RNLS: variants seen among roughly 807,000 people sequenced by gnomAD.
RNLS encodes the protein renalase.
Under a neutral mutation model 39.8 loss-of-function variants are expected in RNLS, and 39 were observed. That is an observed-to-expected ratio of 0.98 (90% CI 0.76 to 1.28). RNLS has a LOEUF of 1.28. RNLS is among the 50% of genes most tolerant of loss of function. The probability of loss-of-function intolerance (pLI) is 0.00; values close to 1 mark genes in which losing one functional copy is unlikely to be tolerated. For missense variants in RNLS, 410 were observed against 413.3 expected (o/e 0.99, Z 0.07); for synonymous variants, 147 against 150.7 (o/e 0.98, Z 0.18).
chr10:88,378,215 A>AAAAT (rs1026699312), intron 4 of RNLS, among the ~76,000 whole-genome samples: 1 of 152,170 alleles, frequency 6.6e-6, no homozygotes, highest in Non-Finnish European at 1.5e-5. Flanking sequence ...AACTAAAAAA[A>AAAAT]AAATAAGTCT....
intron 4 of RNLS, among the ~76,000 whole-genome samples, chr10:88,515,513 G>T (rs929797762): frequency 6.6e-6 from 1 of 152,020 alleles, no homozygotes; most frequent in Non-Finnish European, 1.5e-5. Context: ...TACAGCAAAG[G>T]CTTTCCTTAA....
At chr10:88,511,074 T>C (rs145209727) in intron 4 of RNLS, among the ~76,000 whole-genome samples, 254 of 147,320 alleles carry the variant, frequency 1.7e-3, no homozygotes, top group African/African-American at 6.0e-3. Flanking sequence ...ATGGGAGACA[T>C]AAGAATATGG....
chr10:88,185,200 T>C, the RNLS span, among the ~76,000 whole-genome samples: 2 of 152,066 alleles, frequency 1.3e-5, no homozygotes, highest in Non-Finnish European at 2.9e-5. Context: ...GGATTTTCCT[T>C]TTACCATCTA....
At chr10:88,354,763 CT>C (rs1170584103) in intron 5 of RNLS, among the ~76,000 whole-genome samples, 1 of 152,200 alleles carries the variant, frequency 6.6e-6, no homozygotes, top group African/African-American at 2.4e-5. Flanking sequence ...TGTTGGCCTG[CT>C]TTGCTAGGTT....
At chr10:88,263,772 G>A in the RNLS span, among the ~76,000 whole-genome samples, 3 of 152,060 alleles carry the variant, frequency 2.0e-5, no homozygotes, top group Non-Finnish European at 4.4e-5. Flanking sequence ...CTGAGCCTAG[G>A]CATTCTCATC....
the RNLS span, among the ~76,000 whole-genome samples, chr10:88,252,961 G>A: frequency 3.9e-5 from 6 of 152,206 alleles, no homozygotes; most frequent in African/African-American, 1.2e-4. Flanking sequence ...CAATAGTCAT[G>A]GGAGCAGAAG....
rs776035124 is a variant in RNLS at position 88,285,160 on chromosome 10, G to A, written c.*194C>T. 1 of 1,238,124 alleles carries A rather than the reference G, an allele frequency of 8.1e-7. No homozygotes were observed. The highest frequency in any genetic ancestry group is 1.0e-6 in the Non-Finnish European group (1 of 986,706). 76.7% of individuals were successfully genotyped at this position (1,238,124 alleles called of 1,614,324 possible). On this transcript the variant is annotated 3_prime_UTR_variant, in exon 7 of 7. Coordinates refer to ENST00000331772, the MANE Select transcript of RNLS (RefSeq NM_001031709.3). ...AAAGTAGGGAAGGTGCAAGGTGTGAGGAATTTCCATTCTAGCATGGGTTGT... is the reference window on the plus strand; with the variant it reads ...AAAGTAGGGAAGGTGCAAGGTGTGAAGAATTTCCATTCTAGCATGGGTTGT...
the RNLS span, among the ~76,000 whole-genome samples, chr10:88,250,427 CAGGGCCTGGCAGGTAAATG>C: frequency 6.6e-6 from 1 of 152,218 alleles, no homozygotes; most frequent in Non-Finnish European, 1.5e-5. Flanking sequence ...CAAATGCCAA[CAGGGCCTGGCAGGTAAATG>C]AATGAAATGA....
At chr10:88,339,357 C>A (rs1847760551) in intron 5 of RNLS, among the ~76,000 whole-genome samples, 1 of 152,162 alleles carries the variant, frequency 6.6e-6, no homozygotes, top group Non-Finnish European at 1.5e-5. Context: ...CAGTCAATTT[C>A]AATGTGTTGC....
chr10:88,297,455 C>T (rs1164658309), intron 6 of RNLS, among the ~76,000 whole-genome samples: 1 of 152,054 alleles, frequency 6.6e-6, no homozygotes, highest in Non-Finnish European at 1.5e-5. Context: ...GCTCAGTTGC[C>T]ATTCACATCT....
chr10:88,492,038 C>G (rs1260186557), intron 4 of RNLS, among the ~76,000 whole-genome samples: 6 of 146,720 alleles, frequency 4.1e-5, no homozygotes, highest in Admixed American at 1.4e-4. Flanking sequence ...AAAATCAAAA[C>G]TAGATTTGAG....
intron 4 of RNLS, among the ~76,000 whole-genome samples, chr10:88,565,570 A>G (rs957917749): frequency 6.6e-6 from 1 of 152,132 alleles, no homozygotes; most frequent in Admixed American, 6.5e-5. Context: ...AGTCAGCTCA[A>G]TATAACATCC....
intron 4 of RNLS, among the ~76,000 whole-genome samples, chr10:88,370,104 C>T (rs1001130199): frequency 1.3e-5 from 2 of 152,098 alleles, no homozygotes; most frequent in Admixed American, 6.6e-5. Context: ...CACTCTGAAG[C>T]CAAGTTGAAA....
At chr10:88,196,160 G>A in the RNLS span, among the ~76,000 whole-genome samples, 2 of 151,080 alleles carry the variant, frequency 1.3e-5, no homozygotes, top group East Asian at 3.9e-4. Context: ...TTTTTAGTCA[G>A]GCTTGCCTAA....
chr10:88,464,379 C>T (rs552563115), intron 4 of RNLS, among the ~76,000 whole-genome samples: 96 of 152,134 alleles, frequency 6.3e-4, no homozygotes, highest in Middle Eastern at 3.4e-3. Context: ...TTAACAAAAG[C>T]GAATGATTCA....
At chr10:88,442,381 TA>T (rs1841766283) in intron 4 of RNLS, among the ~76,000 whole-genome samples, 1 of 152,212 alleles carries the variant, frequency 6.6e-6, no homozygotes, top group Non-Finnish European at 1.5e-5. Flanking sequence ...TTCAGCTGAT[TA>T]AAACTTGGTT....
the RNLS span, among the ~76,000 whole-genome samples, chr10:88,238,700 C>T: frequency 1.3e-5 from 2 of 152,194 alleles, no homozygotes; most frequent in Non-Finnish European, 2.9e-5. Context: ...ATTGGGCACG[C>T]TGTGGAGCCA....
the RNLS span, among the ~76,000 whole-genome samples, chr10:88,236,877 A>G: frequency 6.6e-6 from 1 of 152,170 alleles, no homozygotes; most frequent in Admixed American, 6.5e-5. Flanking sequence ...AGAAAGGGCT[A>G]TCTTCCAGGC....
chr10:88,243,868 T>C, the RNLS span, among the ~76,000 whole-genome samples: 4 of 152,226 alleles, frequency 2.6e-5, no homozygotes, highest in Non-Finnish European at 5.9e-5. Context: ...ATGTACACAT[T>C]ACCCATCCAT....
Sources: allele counts gnomAD v4.1 joint callset (sites outside exome capture counted in the v4.1 genomes callset), GRCh38; gene constraint gnomAD v4.1.1; transcripts MANE v1.5; gene names NCBI Gene and HGNC (gene_info 2026-07-23, HGNC 2026-07-21).